Variants in PGPEP1L observed in about 807,000 individuals in gnomAD.
PGPEP1L encodes the protein pyroglutamyl-peptidase 1-like protein.
PGPEP1L carries 7 observed loss-of-function variants against 6.0 expected under a neutral mutation model. That is an observed-to-expected ratio of 1.17 (90% CI 0.66 to 2.19). The LOEUF (loss-of-function observed/expected upper bound fraction) is 2.19. Ranked by LOEUF, PGPEP1L falls within the 30% of genes most tolerant of loss-of-function variation. PGPEP1L has a pLI of 0.00. For missense variants in PGPEP1L, 209 were observed against 192.5 expected, an observed-to-expected ratio of 1.09 and a Z score of -0.51; for synonymous variants, 103 against 83.9, an observed-to-expected ratio of 1.23 and a Z score of -1.24.
At chr15:98,987,165 CAAAAA>C (rs57923635) in intron 2 of PGPEP1L, among the ~76,000 whole-genome samples, 41 of 33,384 alleles carry the variant, frequency 1.2e-3, no homozygotes, top group Middle Eastern at 0.024. Flanking sequence ...GACTCCATCT[CAAAAA>C]AAAAAAAAAA....
At chr15:99,003,546 C>T (rs539619325) in intron 2 of PGPEP1L, among the ~76,000 whole-genome samples, 96 of 152,228 alleles carry the variant, frequency 6.3e-4, no homozygotes, top group African/African-American at 2.2e-3. Context: ...ACTTTGATCT[C>T]GAAGCAATTT....
At chr15:99,000,608 C>T (rs934548629) in intron 2 of PGPEP1L, among the ~76,000 whole-genome samples, 3 of 152,164 alleles carry the variant, frequency 2.0e-5, no homozygotes, top group Non-Finnish European at 2.9e-5. Flanking sequence ...ATGCACCAAT[C>T]GACGCTCTGT....
chr15:98,984,059 C>T lies in PGPEP1L; in HGVS notation c.-141-12901G>A, dbSNP rs990294017. Among the ~76,000 whole-genome samples the T allele has an allele frequency of 1.4e-5, 2 of 144,540 alleles. 1 individual carries two copies. Among genetic ancestry groups the T allele is most frequent in the South Asian group, 4.3e-4 (2 of 4,642 alleles). The allele number at this position is 144,540 out of a possible 152,430, so 94.8% of individuals were successfully genotyped here. On this transcript the variant is annotated intron_variant, in intron 2 of 4. Transcript: ENST00000535714. ...CTATTTTGAGTCTCACTCTGTCGCC[C>T]AGGCTGGAGTGCAGTGGCGCAGCTC...
intron 2 of PGPEP1L, among the ~76,000 whole-genome samples, chr15:98,974,035 A>C (rs2017533678): frequency 6.6e-6 from 1 of 152,216 alleles, no homozygotes; most frequent in Non-Finnish European, 1.5e-5. Context: ...CCAGAAATAC[A>C]AAGGATCATC....
chr15:98,999,939 A>C (rs1159062335), intron 2 of PGPEP1L, among the ~76,000 whole-genome samples: 9 of 152,208 alleles, frequency 5.9e-5, no homozygotes, highest in Non-Finnish European at 1.2e-4. Flanking sequence ...CTGGGCTCCC[A>C]CTTTGGTGAC....
chr15:98,989,676 T>G (rs1335242933), intron 2 of PGPEP1L, among the ~76,000 whole-genome samples: 2 of 152,188 alleles, frequency 1.3e-5, no homozygotes, highest in African/African-American at 4.8e-5. Context: ...AGACACATAA[T>G]TGTCAGATTC....
In PGPEP1L at chr15:99,005,642, CG is replaced by C. The variant is rs201647684; in HGVS notation, c.-356del. 1,806 of 152,382 alleles carry C rather than the reference CG, an allele frequency of 0.012. 14 individuals are homozygous for C. Among genetic ancestry groups the C allele is most frequent in the Middle Eastern group, 0.031 (9 of 294 alleles). 9.4% of individuals were successfully genotyped at this position (152,382 alleles called of 1,614,324 possible). A position where few individuals can be genotyped will look rare whatever the true frequency, so the allele number is the denominator to read the frequency against. On this transcript the variant is annotated 5_prime_UTR_variant, in exon 2 of 5. The change creates a premature stop within an existing upstream ORF in the 5' untranslated region. Transcript: ENST00000535714. Reference sequence around the variant, plus strand: ...CCGGCGTCCGTAGCGTTCTGGGCCCCGAAAGGCCAAGGATCTAGGGGAGGGT... The same window carrying C: ...CCGGCGTCCGTAGCGTTCTGGGCCCCAAAGGCCAAGGATCTAGGGGAGGGT...
At chr15:99,006,844 T>A (rs2018074856) in intron 1 of PGPEP1L, among the ~76,000 whole-genome samples, 2 of 152,098 alleles carry the variant, frequency 1.3e-5, no homozygotes, top group African/African-American at 2.4e-5. Flanking sequence ...ACTTTTTTCC[T>A]GAAGCTGTAT....
intron 2 of PGPEP1L, among the ~76,000 whole-genome samples, chr15:99,003,045 T>TA (rs2017996592): frequency 1.3e-5 from 2 of 151,676 alleles, no homozygotes. Context: ...CATGAGGAAG[T>TA]AAAAACTTTC....
intron 2 of PGPEP1L, among the ~76,000 whole-genome samples, chr15:98,983,305 CTTTA>C (rs1265116104): frequency 5.3e-5 from 8 of 152,076 alleles, no homozygotes. Flanking sequence ...ATTCACGGCT[CTTTA>C]TTCATTATTA....
chr15:98,990,288 A>T (rs1555471924), intron 2 of PGPEP1L, among the ~76,000 whole-genome samples: 1 of 133,198 alleles, frequency 7.5e-6, no homozygotes, highest in Non-Finnish European at 1.6e-5. Flanking sequence ...AAATGGAAAG[A>T]AAAAAAAAAG....
intron 2 of PGPEP1L, among the ~76,000 whole-genome samples, chr15:99,002,613 C>T (rs2151767111): frequency 6.6e-6 from 1 of 151,000 alleles, no homozygotes; most frequent in Middle Eastern, 3.4e-3. Context: ...TACAGGGAAC[C>T]TCTGTACACT....
rs1555471912 is a variant in PGPEP1L at position 98,990,228 on chromosome 15, A to G, written c.-142+15201T>C. 2.6e-5 allele frequency among the ~76,000 whole-genome samples: 4 copies of G among 152,330 alleles called. No homozygotes were observed. In the South Asian group the frequency reaches 8.3e-4, roughly 32 times the overall value. The stretch of plus-strand genomic sequence containing the variant: ...CAAGACCCATTGGTGTCTCACGTGC[A>G]AAGACACACATAGGCTCAAAATAAA... On this transcript the variant is annotated intron_variant, in intron 2 of 4. Transcript: ENST00000535714.
At chr15:98,994,448 G>A (rs1458165437) in intron 2 of PGPEP1L, among the ~76,000 whole-genome samples, 1 of 151,696 alleles carries the variant, frequency 6.6e-6, no homozygotes, top group African/African-American at 2.4e-5. Context: ...GAGTCCAGGA[G>A]TTCAAGATCA....
rs1266182098 is a variant in PGPEP1L, at chr15:98,971,054, C to T, written c.-37G>A. 2 of 1,613,842 alleles carry T rather than the reference C, an allele frequency of 1.2e-6. No homozygotes were observed. Among genetic ancestry groups the T allele is most frequent in the South Asian group, 1.1e-5 (1 of 91,080 alleles). On this transcript the variant is annotated 5_prime_UTR_variant, in exon 3 of 5. Transcript: ENST00000535714. ...CACTTACTTGCGGCTGATGATCTTCCCAGATTCCGGTGACCCTCCGCTTAG... is the reference window on the plus strand; with the variant it reads ...CACTTACTTGCGGCTGATGATCTTCTCAGATTCCGGTGACCCTCCGCTTAG...
intron 2 of PGPEP1L, among the ~76,000 whole-genome samples, chr15:98,976,814 G>GATAAA (rs2017576656): frequency 6.6e-6 from 1 of 152,126 alleles, no homozygotes; most frequent in African/African-American, 2.4e-5. Flanking sequence ...TTTTAGTGGA[G>GATAAA]ATAATACATT....
At chr15:98,976,601 T>C (rs2017572745) in intron 2 of PGPEP1L, among the ~76,000 whole-genome samples, 1 of 152,154 alleles carries the variant, frequency 6.6e-6, no homozygotes, top group Non-Finnish European at 1.5e-5. Flanking sequence ...AAATGCTGTA[T>C]TGCAAAAACC....
intron 2 of PGPEP1L, among the ~76,000 whole-genome samples, chr15:98,990,398 A>G (rs1213096480): frequency 6.6e-6 from 1 of 152,232 alleles, no homozygotes; most frequent in South Asian, 2.1e-4. Context: ...GGATCAATGC[A>G]ACAAGAAGAG....
At chr15:98,982,700 C>CTTTTTTTTTTTT (rs369749842) in intron 2 of PGPEP1L, among the ~76,000 whole-genome samples, 527 of 52,470 alleles carry the variant, frequency 0.01, 81 homozygotes, top group Middle Eastern at 0.031. Context: ...TTATCTGAGG[C>CTTTTTTTTTTTT]TTTTTTTTTT....
Sources: gnomAD v4.1 joint callset for allele counts (sites outside exome capture counted in the v4.1 genomes callset) on GRCh38, gnomAD v4.1.1 for gene constraint, MANE v1.5 for transcripts, NCBI Gene and HGNC (gene_info 2026-07-23, HGNC 2026-07-21) for gene names.